Variants in AGMO observed in about 807,000 individuals in gnomAD.
The protein encoded by AGMO is glyceryl-ether monooxygenase.
In AGMO, 75 loss-of-function variants were observed where a neutral mutation model predicts 60.2. That is an observed-to-expected ratio of 1.25 (90% CI 1.03 to 1.51). The LOEUF is 1.51. Ranked by LOEUF, AGMO falls within the 40% of genes most tolerant of loss-of-function variation. AGMO has a pLI of 0.00. For missense variants in AGMO, 763 were observed against 525.5 expected (o/e 1.45, Z -4.42); for synonymous variants, 261 against 177.1 (o/e 1.47, Z -3.76).
intron 3 of AGMO, among the ~76,000 whole-genome samples, chr7:15,484,818 G>A (rs1782868840): frequency 6.6e-6 from 1 of 152,038 alleles, no homozygotes; most frequent in South Asian, 2.1e-4. Flanking sequence ...TCTCAGAGGA[G>A]GAGGAAAGAA....
intron 3 of AGMO, among the ~76,000 whole-genome samples, chr7:15,485,156 A>AG (rs1554278095): frequency 3.3e-5 from 5 of 150,770 alleles, no homozygotes; most frequent in East Asian, 3.9e-4. Flanking sequence ...AAAAAAAAAA[A>AG]AAAAGAAAAA....
At chr7:15,121,315 A>G in the AGMO span, among the ~76,000 whole-genome samples, 1 of 152,176 alleles carries the variant, frequency 6.6e-6, no homozygotes, top group Non-Finnish European at 1.5e-5. Flanking sequence ...AGAATGATTC[A>G]TAATCCTTTG....
intron 12 of AGMO, among the ~76,000 whole-genome samples, chr7:15,363,312 A>T (rs1782836654): frequency 6.6e-6 from 1 of 152,146 alleles, no homozygotes; most frequent in African/African-American, 2.4e-5. Context: ...AGTTATTTCA[A>T]ATGATCCTTA....
intron 3 of AGMO, among the ~76,000 whole-genome samples, chr7:15,446,290 A>T (rs1365185356): frequency 1.3e-5 from 2 of 152,148 alleles, no homozygotes; most frequent in Admixed American, 1.3e-4. Context: ...ATTTAAGTAC[A>T]TTTCTCCTAG....
At chr7:15,241,617 A>C (rs1404352740) in intron 12 of AGMO, among the ~76,000 whole-genome samples, 4 of 152,130 alleles carry the variant, frequency 2.6e-5, no homozygotes, top group Non-Finnish European at 5.9e-5. Context: ...TGACATGATG[A>C]GTCAAAGATG....
chr7:15,192,837 G>A, the AGMO span, among the ~76,000 whole-genome samples: 79 of 152,230 alleles, frequency 5.2e-4, no homozygotes, highest in African/African-American at 1.8e-3. Flanking sequence ...CACCCCTGTC[G>A]TAAGTCCCAT....
chr7:15,192,580 C>G, the AGMO span, among the ~76,000 whole-genome samples: 1 of 152,168 alleles, frequency 6.6e-6, no homozygotes, highest in Non-Finnish European at 1.5e-5. Flanking sequence ...TTCCCGGACA[C>G]TGGACAAAGG....
chr7:15,176,178 A>G, the AGMO span, among the ~76,000 whole-genome samples: 1 of 152,164 alleles, frequency 6.6e-6, no homozygotes, highest in East Asian at 1.9e-4. Context: ...AAAAGCAAAC[A>G]CATACAGTCA....
intron 10 of AGMO, among the ~76,000 whole-genome samples, chr7:15,376,317 G>C (rs905939169): frequency 1.3e-5 from 2 of 151,938 alleles, no homozygotes; most frequent in African/African-American, 4.8e-5. Context: ...AAGAACCTAA[G>C]CTAGATCTAA....
At chr7:15,242,454 G>A (rs1427135906) in intron 12 of AGMO, among the ~76,000 whole-genome samples, 1 of 152,136 alleles carries the variant, frequency 6.6e-6, no homozygotes, top group Non-Finnish European at 1.5e-5. Flanking sequence ...ATTATCATTG[G>A]TAAATGGTAA....
At chr7:15,127,440 A>C in the AGMO span, among the ~76,000 whole-genome samples, 2 of 152,210 alleles carry the variant, frequency 1.3e-5, no homozygotes, top group Non-Finnish European at 1.5e-5. Flanking sequence ...CTTCAGAAAA[A>C]AATTATCTAG....
chr7:15,409,410 T>C (rs994447612), intron 5 of AGMO, among the ~76,000 whole-genome samples: 8 of 151,954 alleles, frequency 5.3e-5, no homozygotes, highest in African/African-American at 1.4e-4. Flanking sequence ...GAATGAAGTA[T>C]GGTCAAAATT....
Position 15,413,381 on chromosome 7 carries a change from G to A in AGMO, c.609+5177C>T, listed in dbSNP as rs574678328. 1.4e-4 allele frequency among the ~76,000 whole-genome samples: 21 copies of A among 152,236 alleles called. 1 individual carries two copies. The South Asian group carries it at 4.4e-3, about 32-fold the overall frequency. ...AATACACATGTAATTGATGTTCCCA[G>A]AGGGGAGTAGAAAGAGAAAAGGACA... On this transcript the variant is annotated intron_variant, in intron 5 of 12. Coordinates refer to ENST00000342526, the MANE Select transcript of AGMO (RefSeq NM_001004320.2).
intron 10 of AGMO, among the ~76,000 whole-genome samples, chr7:15,368,635 G>C (rs1783079917): frequency 1.3e-5 from 2 of 152,202 alleles, no homozygotes; most frequent in African/African-American, 4.8e-5. Context: ...GAGTAAAAAA[G>C]TCAATTGATG....
intron 3 of AGMO, among the ~76,000 whole-genome samples, chr7:15,518,710 T>C (rs1361261798): frequency 6.6e-6 from 1 of 151,906 alleles, no homozygotes; most frequent in Non-Finnish European, 1.5e-5. Context: ...TCCATAAAGA[T>C]GAGGAAAAAA....
chr7:15,152,250 T>C, the AGMO span, among the ~76,000 whole-genome samples: 1 of 152,178 alleles, frequency 6.6e-6, no homozygotes, highest in Non-Finnish European at 1.5e-5. Context: ...TTAAAATTTT[T>C]ATGTATATTT....
At chr7:15,184,297 GGCAGGCAGGGAGGGAGGGAA>G in the AGMO span, among the ~76,000 whole-genome samples, 1 of 56,288 alleles carries the variant, frequency 1.8e-5, no homozygotes, top group African/African-American at 4.3e-5. Flanking sequence ...AAGGAAGGGA[GGCAGGCAGGGAGGGAGGGAA>G]GGAGGGAAGG....
chr7:15,500,179 A>C (rs945095798), intron 3 of AGMO, among the ~76,000 whole-genome samples: 1 of 151,962 alleles, frequency 6.6e-6, no homozygotes, highest in African/African-American at 2.4e-5. Context: ...ATAGTTAACA[A>C]ATGAGCTTAA....
Position 15,560,120 on chromosome 7 carries a change from G to A in AGMO, c.257+21C>T, listed in dbSNP as rs111699735. The A allele has an allele frequency of 2.4e-3, 3,893 of 1,590,458 alleles. 5 individuals are homozygous for A. Among genetic ancestry groups the A allele is most frequent in the Non-Finnish European group, 2.9e-3 (3,408 of 1,164,272 alleles). On this transcript the variant is annotated intron_variant, in intron 2 of 12. Transcript: ENST00000342526. The stretch of plus-strand genomic sequence containing the variant: ...GGCAATTTCAGTTTTTATGCTCAGC[G>A]TTGTTGACCATCTAACTCACCTTGG...
Sources: gnomAD v4.1 joint callset for allele counts (sites outside exome capture counted in the v4.1 genomes callset) on GRCh38, gnomAD v4.1.1 for gene constraint, MANE v1.5 for transcripts, NCBI Gene and HGNC (gene_info 2026-07-23, HGNC 2026-07-21) for gene names.